ELP4: variants seen among roughly 807,000 people sequenced by gnomAD.
ELP4 encodes the protein elongator complex protein 4.
In ELP4, 51 loss-of-function variants were observed where a neutral mutation model predicts 48.9. The ratio of observed to expected loss-of-function variants is 1.04; its 90% CI spans 0.83 to 1.32. ELP4 has a LOEUF of 1.32. Among genes scored for constraint, ELP4 ranks in the 40% most tolerant of loss-of-function variants. The probability of loss-of-function intolerance (pLI) is 0.00; values close to 1 mark genes in which losing one functional copy is unlikely to be tolerated. For synonymous variants in ELP4, 210 were observed against 189.2 expected (o/e 1.11, Z -0.90); for missense variants, 519 against 514.6 (o/e 1.01, Z -0.08).
At chr11:31,580,520 T>C (rs1052906701) in intron 3 of ELP4, among the ~76,000 whole-genome samples, 2 of 152,126 alleles carry the variant, frequency 1.3e-5, no homozygotes, top group Non-Finnish European at 2.9e-5. Context: ...ATTACTGTCA[T>C]TGCACAAAAT....
chr11:31,539,141 T>C (rs968011361), intron 2 of ELP4, among the ~76,000 whole-genome samples: 5 of 152,280 alleles, frequency 3.3e-5, no homozygotes, highest in Admixed American at 2.6e-4. Context: ...AGTTGGAGAA[T>C]GATGTCTGGA....
intron 7 of ELP4, chr11:31,632,756 A>G (rs1020891418): frequency 6.1e-6 from 1 of 164,318 alleles, no homozygotes; most frequent in African/African-American, 2.4e-5. Flanking sequence ...TCTCCCTCAC[A>G]CCTCCAATCT....
chr11:31,694,059 C>T (rs1024892167), intron 9 of ELP4, among the ~76,000 whole-genome samples: 39 of 151,984 alleles, frequency 2.6e-4, no homozygotes, highest in Admixed American at 1.3e-3. Flanking sequence ...ATTCTGGATA[C>T]TAGCCCTTTG....
chr11:31,695,944 T>C (rs1030366606), intron 9 of ELP4, among the ~76,000 whole-genome samples: 1 of 152,060 alleles, frequency 6.6e-6, no homozygotes, highest in African/African-American at 2.4e-5. Context: ...GATTTTCTAG[T>C]TTATTTGTGT....
intron 2 of ELP4, 49 bp from the exon 3 acceptor site, chr11:31,539,613 G>C: frequency 6.5e-7 from 1 of 1,546,366 alleles, no homozygotes; most frequent in Non-Finnish European, 8.7e-7. Context: ...ATAGCCATTT[G>C]ATTCTTTTCT....
At chr11:31,561,726 G>A (rs1362842032) in intron 3 of ELP4, among the ~76,000 whole-genome samples, 3 of 152,132 alleles carry the variant, frequency 2.0e-5, no homozygotes, top group Admixed American at 1.3e-4. Flanking sequence ...TTGCTGGTGT[G>A]AGCCACCATG....
intron 9 of ELP4, among the ~76,000 whole-genome samples, chr11:31,682,454 A>G (rs1946072993): frequency 6.6e-6 from 1 of 152,170 alleles, no homozygotes; most frequent in Admixed American, 6.5e-5. Flanking sequence ...GTTGACTTCA[A>G]ATCTCACCTG....
At chr11:31,685,171 T>C (rs1015998669) in intron 9 of ELP4, among the ~76,000 whole-genome samples, 1 of 151,990 alleles carries the variant, frequency 6.6e-6, no homozygotes, top group African/African-American at 2.4e-5. Context: ...GCCAACATGG[T>C]GAAACCCTGT....
intron 9 of ELP4, among the ~76,000 whole-genome samples, chr11:31,734,503 T>C (rs577876523): frequency 9.9e-5 from 15 of 152,204 alleles, no homozygotes; most frequent in Non-Finnish European, 1.5e-4. Flanking sequence ...ATAAATGAAT[T>C]CAGCAAAGTT....
At chr11:31,713,642 T>C (rs1946785424) in intron 9 of ELP4, among the ~76,000 whole-genome samples, 1 of 152,210 alleles carries the variant, frequency 6.6e-6, no homozygotes, top group African/African-American at 2.4e-5. Flanking sequence ...GAGCTGTAAC[T>C]TTAGAGGTAA....
At chr11:31,565,074 T>G (rs1396845626) in intron 3 of ELP4, among the ~76,000 whole-genome samples, 2 of 152,208 alleles carry the variant, frequency 1.3e-5, no homozygotes, top group Admixed American at 6.5e-5. Flanking sequence ...CCATTCTAAC[T>G]GGTGTGAGAT....
At chr11:31,749,425 G>T (rs1299745954) in intron 9 of ELP4, among the ~76,000 whole-genome samples, 1 of 152,154 alleles carries the variant, frequency 6.6e-6, no homozygotes, top group African/African-American at 2.4e-5. Flanking sequence ...TGTTATATAT[G>T]GCCCTATACA....
At position 31,513,814 on chromosome 11, in the gene ELP4, C is replaced by T. The variant is rs186559430; in HGVS notation, c.223+3807C>T. On this transcript the variant is annotated intron_variant, in intron 1 of 9. Coordinates refer to ENST00000640961, the MANE Select transcript of ELP4 (RefSeq NM_019040.5). ...TTCGTTGTCTTATGATTTTGAAAAT[C>T]GTGGAAGATACTGGCATTTGCAAGA... Among the ~76,000 whole-genome samples, 344 of 152,172 alleles carry T rather than the reference C, an allele frequency of 2.3e-3. 2 individuals carry two copies. The highest frequency in any genetic ancestry group is 7.9e-3 in the African/African-American group (329 of 41,520).
intron 9 of ELP4, chr11:31,762,013 G>C (rs566304108): frequency 6.6e-6 from 1 of 152,400 alleles, no homozygotes; most frequent in East Asian, 1.9e-4. Context: ...GTGTAATCCA[G>C]ACAGATATAA....
Position 31,647,846 on chromosome 11 carries a change from C to A in ELP4, c.1033C>A (p.His345Asn). ...RETNPLYKDY[H>N]GLIHIRQIPR... ...AACTAACCCATTGTATAAGGATTAT[C>A]ATGGTAAGTACAACCTTCATAATGA... The change falls in exon 8 of 10, where the codon CAT (histidine) becomes AAT (asparagine). Residue 345 changes from histidine (H) to asparagine (N), a missense_variant. Transcript: ENST00000640961. 2 of 1,562,182 alleles carry A rather than the reference C, an allele frequency of 1.3e-6. No homozygotes were observed. Among genetic ancestry groups the A allele is most frequent in the Non-Finnish European group, 1.8e-6 (2 of 1,133,886 alleles).
intron 9 of ELP4, among the ~76,000 whole-genome samples, chr11:31,679,474 T>C (rs1479987740): frequency 6.6e-6 from 1 of 152,198 alleles, no homozygotes; most frequent in Non-Finnish European, 1.5e-5. Context: ...GCCTCTCTAC[T>C]TGGCTTGTAG....
intron 1 of ELP4, among the ~76,000 whole-genome samples, chr11:31,515,890 C>T (rs1255206041): frequency 2.6e-5 from 4 of 152,176 alleles, no homozygotes; most frequent in South Asian, 2.1e-4. Context: ...GCGGGCGGAT[C>T]ACGAGGTCAG....
chr11:31,657,535 G>A (rs1374945751), intron 9 of ELP4, among the ~76,000 whole-genome samples: 1 of 151,918 alleles, frequency 6.6e-6, no homozygotes, highest in African/African-American at 2.4e-5. Flanking sequence ...TTGTTAAATT[G>A]TGAAACTACA....
intron 3 of ELP4, among the ~76,000 whole-genome samples, chr11:31,544,689 G>A (rs2133915127): frequency 6.6e-6 from 1 of 152,354 alleles, no homozygotes; most frequent in South Asian, 2.1e-4. Flanking sequence ...AGGATGGGCA[G>A]ACTGCCTCCT....
Sources: gnomAD v4.1 joint callset for allele counts (sites outside exome capture counted in the v4.1 genomes callset) on GRCh38, gnomAD v4.1.1 for gene constraint, MANE v1.5 for transcripts, NCBI Gene and HGNC (gene_info 2026-07-23, HGNC 2026-07-21) for gene names.